PEX39: variants seen among roughly 807,000 people sequenced by gnomAD.
PEX39 encodes the protein peroxin-39.
At chr6:42,890,471 G>T in the PEX39 span, 1 of 1,499,872 alleles carries the variant, frequency 6.7e-7, no homozygotes, top group Non-Finnish European at 8.9e-7. Flanking sequence ...CCGCCGCAAA[G>T]GACCTGGAAC....
the PEX39 span, chr6:42,890,810 G>C: frequency 1.7e-5 from 26 of 1,552,450 alleles, no homozygotes; most frequent in East Asian, 9.1e-5. Context: ...AATCCTGACC[G>C]GCGTGTAATG....
At chr6:42,890,679 A>G in the PEX39 span, 5 of 1,612,802 alleles carry the variant, frequency 3.1e-6, no homozygotes, top group African/African-American at 1.3e-5. Flanking sequence ...GCGTTTCTCC[A>G]GGCCCGGGAG....
the PEX39 span, chr6:42,890,414 A>C: frequency 7.0e-7 from 1 of 1,418,770 alleles, no homozygotes; most frequent in Non-Finnish European, 9.4e-7. Context: ...ATAAAAGATG[A>C]GTAACTGAAT....
At chr6:42,890,786 C>G in the PEX39 span, 1 of 1,570,010 alleles carries the variant, frequency 6.4e-7, no homozygotes, top group Non-Finnish European at 8.7e-7. Context: ...GGGGACGCTC[C>G]ATGTCGGGTC....
chr6:42,890,435 G>A, the PEX39 span: 1 of 1,481,094 alleles, frequency 6.8e-7, no homozygotes, highest in Non-Finnish European at 9.0e-7. Context: ...GGCATCCCGG[G>A]TCCTGTAGCC....
the PEX39 span, chr6:42,890,500 G>C: frequency 6.5e-7 from 1 of 1,545,770 alleles, no homozygotes; most frequent in African/African-American, 1.4e-5. Flanking sequence ...CCCACTGTAT[G>C]CCATGAAGAA....
At chr6:42,890,482 C>T in the PEX39 span, 17 of 1,513,792 alleles carry the variant, frequency 1.1e-5, no homozygotes, top group South Asian at 1.5e-4. Context: ...GACCTGGAAC[C>T]TCAGGGGCCC....
the PEX39 span, chr6:42,890,494 C>G: frequency 6.5e-7 from 1 of 1,537,586 alleles, no homozygotes; most frequent in Non-Finnish European, 8.8e-7. Flanking sequence ...CAGGGGCCCA[C>G]TGTATGCCAT....
the PEX39 span, chr6:42,890,544 G>A: frequency 6.3e-7 from 1 of 1,586,162 alleles, no homozygotes. Context: ...GCCAGGCTCC[G>A]CCGGGGCCGT....
the PEX39 span, chr6:42,890,536 C>T: frequency 3.2e-6 from 5 of 1,581,314 alleles, no homozygotes; most frequent in Non-Finnish European, 2.6e-6. Context: ...TCAACCAAGC[C>T]AGGCTCCGCC....
the PEX39 span, chr6:42,890,570 C>T: frequency 2.5e-6 from 4 of 1,608,160 alleles, no homozygotes; most frequent in Middle Eastern, 1.7e-4. Flanking sequence ...TCCTGAGGGT[C>T]GGAGGGGGAA....
At chr6:42,890,578 G>T in the PEX39 span, 17 of 1,610,342 alleles carry the variant, frequency 1.1e-5, no homozygotes, top group African/African-American at 2.7e-5. Context: ...GTCGGAGGGG[G>T]AAGGGACTCA....
At chr6:42,890,612 C>A in the PEX39 span, 1 of 1,612,452 alleles carries the variant, frequency 6.2e-7, no homozygotes, top group Non-Finnish European at 8.5e-7. Context: ...CCTCCCAGGG[C>A]TTGGGCCTCC....
At chr6:42,890,531 C>G in the PEX39 span, 1 of 1,576,298 alleles carries the variant, frequency 6.3e-7, no homozygotes, top group Admixed American at 1.8e-5. Context: ...CTGCCTCAAC[C>G]AAGCCAGGCT....
chr6:42,890,523 G>T, the PEX39 span: 2 of 1,569,492 alleles, frequency 1.3e-6, no homozygotes, highest in Admixed American at 3.6e-5. Flanking sequence ...CGCAGTCGCT[G>T]CCTCAACCAA....
chr6:42,890,600 G>C, the PEX39 span: 1 of 1,611,752 alleles, frequency 6.2e-7, no homozygotes, highest in Non-Finnish European at 8.5e-7. Context: ...CCAAAGCCGC[G>C]GCCTCCCAGG....
chr6:42,890,821 C>T, the PEX39 span: 2 of 1,538,112 alleles, frequency 1.3e-6, no homozygotes, highest in Non-Finnish European at 1.8e-6. Flanking sequence ...GCGTGTAATG[C>T]AGAGAAGCGA....
the PEX39 span, chr6:42,890,607 C>A: frequency 6.2e-7 from 1 of 1,612,156 alleles, no homozygotes; most frequent in Non-Finnish European, 8.5e-7. Flanking sequence ...CGCGGCCTCC[C>A]AGGGCTTGGG....
the PEX39 span, chr6:42,890,282 T>A: frequency 4.7e-6 from 2 of 422,036 alleles, no homozygotes; most frequent in Non-Finnish European, 8.3e-6. Context: ...ATAAAACATT[T>A]TATTACATAT....
Sources: gnomAD v4.1 joint callset for allele counts on GRCh38, gnomAD v4.1.1 for gene constraint, MANE v1.5 for transcripts, NCBI Gene and HGNC (gene_info 2026-07-23, HGNC 2026-07-21) for gene names.